The following CD302 variants were observed in gnomAD, a reference collection of about 807,000 sequenced individuals.
The protein encoded by CD302 is CD302 antigen.
CD302 carries 23 observed loss-of-function variants against 26.5 expected under a neutral mutation model. That is an observed-to-expected ratio of 0.87 (90% CI 0.62 to 1.23). The LOEUF (loss-of-function observed/expected upper bound fraction) is 1.23. Ranked by LOEUF, CD302 falls within the 50% of genes most tolerant of loss-of-function variation. The probability of loss-of-function intolerance (pLI) is 0.00; values close to 1 mark genes in which losing one functional copy is unlikely to be tolerated. For missense variants in CD302, 290 were observed against 275.5 expected, an observed-to-expected ratio of 1.05 and a Z score of -0.37; for synonymous variants, 90 against 99.4, an observed-to-expected ratio of 0.91 and a Z score of 0.56.
At chr2:159,778,229 C>G (rs937204189) in intron 4 of CD302, among the ~76,000 whole-genome samples, 1 of 151,866 alleles carries the variant, frequency 6.6e-6, no homozygotes, top group African/African-American at 2.4e-5. Flanking sequence ...GAGGAAAAGA[C>G]AATAATGAGG....
At chr2:159,795,431 C>T (rs1302733518) in intron 1 of CD302, among the ~76,000 whole-genome samples, 1 of 152,076 alleles carries the variant, frequency 6.6e-6, no homozygotes, top group African/African-American at 2.4e-5. Context: ...AGACACAAAT[C>T]AAAACAAAAC....
intron 1 of CD302, among the ~76,000 whole-genome samples, chr2:159,795,092 G>A (rs1341732845): frequency 1.3e-5 from 2 of 151,310 alleles, no homozygotes; most frequent in Admixed American, 6.6e-5. Flanking sequence ...GCATGGTGGC[G>A]CATGCCTGTA....
rs550493715 is a variant in CD302, at chr2:159,795,234, A to G, written c.67+2898T>C. Among the ~76,000 whole-genome samples, 17 of 152,192 alleles carry G rather than the reference A, an allele frequency of 1.1e-4. No individual in the cohort carries two copies. The South Asian group carries it at 2.7e-3, about 24-fold the overall frequency. Reference sequence around the variant, plus strand: ...TGAGACTCCATCTCGGAAAAAAAAAAAAAGAAAGAAAGAAAAGGTGGCAGC... The same window carrying G: ...TGAGACTCCATCTCGGAAAAAAAAAGAAAGAAAGAAAGAAAAGGTGGCAGC... On this transcript the variant is annotated intron_variant, in intron 1 of 5. Coordinates refer to ENST00000259053, the MANE Select transcript of CD302 (RefSeq NM_014880.5).
At chr2:159,772,324 C>T (rs994497790) in intron 5 of CD302, among the ~76,000 whole-genome samples, 1 of 152,190 alleles carries the variant, frequency 6.6e-6, no homozygotes, top group Non-Finnish European at 1.5e-5. Flanking sequence ...ATACCATGCT[C>T]CAGTTTGTCT....
intron 1 of CD302, 56 bp downstream of exon 1, chr2:159,798,076 G>A: frequency 1.4e-6 from 2 of 1,458,676 alleles, no homozygotes; most frequent in South Asian, 1.3e-5. Context: ...CGTGCGTTGG[G>A]AAGGGGGCGA....
At position 159,769,252 on chromosome 2, in the gene CD302, A is replaced by G. The variant is rs1483628271; in HGVS notation, c.*2599T>C. Reference sequence around the variant, plus strand: ...CAAGATGTTGAAGAAAGCAGTTTCTACATTCTGGATGTAGTAAACAAGCCT... The same window carrying G: ...CAAGATGTTGAAGAAAGCAGTTTCTGCATTCTGGATGTAGTAAACAAGCCT... On this transcript the variant is annotated 3_prime_UTR_variant, in exon 6 of 6. Coordinates refer to ENST00000259053, the MANE Select transcript of CD302 (RefSeq NM_014880.5). The G allele has an allele frequency of 6.6e-6, 1 of 152,248 alleles. No individual in the cohort carries two copies. The highest frequency in any genetic ancestry group is 2.4e-5 in the African/African-American group (1 of 41,460). 9.4% of individuals were successfully genotyped at this position (152,248 alleles called of 1,614,324 possible). A position where few individuals can be genotyped will look rare whatever the true frequency, so the allele number is the denominator to read the frequency against.
At chr2:159,797,084 T>C (rs926376944) in intron 1 of CD302, among the ~76,000 whole-genome samples, 3 of 152,080 alleles carry the variant, frequency 2.0e-5, no homozygotes, top group Non-Finnish European at 4.4e-5. Context: ...ACAGAAGTTT[T>C]CAAGAAAGGA....
chr2:159,780,830 A>T, intron 3 of CD302, 52 bp downstream of exon 3: 2 of 1,524,894 alleles, frequency 1.3e-6, no homozygotes, highest in South Asian at 2.3e-5. Context: ...CAGTTTTGCT[A>T]CATTAAAAAA....
chr2:159,786,942 T>G (rs1043385307), intron 1 of CD302, among the ~76,000 whole-genome samples: 1 of 152,234 alleles, frequency 6.6e-6, no homozygotes, highest in African/African-American at 2.4e-5. Flanking sequence ...GTTTTGCCTG[T>G]TTTTGAACTT....
Position 159,780,026 on chromosome 2 carries a change from C to T in CD302, c.448G>A (p.Gly150Arg), listed in dbSNP as rs916041766. The T allele has an allele frequency of 4.3e-6, 7 of 1,614,010 alleles. No individual in the cohort carries two copies. The highest frequency in any genetic ancestry group is 5.9e-6 in the Non-Finnish European group (7 of 1,179,944). Reference sequence around the variant, plus strand: ...TTACTAGCTGTTTTGCATAGTGTTCCTTCCACAGAAGAAACTTCACAATTT... The same window carrying T: ...TTACTAGCTGTTTTGCATAGTGTTCTTTCCACAGAAGAAACTTCACAATTT... ...KGNCEVSSVE[G>R]TLCKTAIPYK... Residue 150 changes from glycine (G) to arginine (R), a missense_variant, in exon 4 of 6, where the codon GGA becomes AGA. Gly to Arg is a moderately radical substitution (Grantham distance 125, BLOSUM62 -2). Transcript: ENST00000259053.
At position 159,793,057 on chromosome 2, in the gene CD302, T is replaced by C. The variant is rs529521758; in HGVS notation, c.67+5075A>G. Among the ~76,000 whole-genome samples the C allele has an allele frequency of 1.8e-3, 277 of 152,342 alleles. 2 individuals carry two copies. Among genetic ancestry groups the C allele is most frequent in the African/African-American group, 6.4e-3 (266 of 41,574 alleles). ...GAACAAAAGACTAAACTAAGTCGTC[T>C]TCAACGCTAAGTATCTTTGCCATAA... On this transcript the variant is annotated intron_variant, in intron 1 of 5. Coordinates refer to ENST00000259053, the MANE Select transcript of CD302 (RefSeq NM_014880.5).
intron 1 of CD302, among the ~76,000 whole-genome samples, chr2:159,794,473 C>T (rs1708895456): frequency 7.2e-6 from 1 of 138,554 alleles, no homozygotes; most frequent in African/African-American, 2.7e-5. Context: ...ATTGAAATTT[C>T]ACTTTTTCAT....
At chr2:159,796,292 A>C (rs906788502) in intron 1 of CD302, among the ~76,000 whole-genome samples, 1 of 152,216 alleles carries the variant, frequency 6.6e-6, no homozygotes, top group South Asian at 2.1e-4. Flanking sequence ...TATGAAAAAC[A>C]CACTTAGTTT....
At position 159,786,997 on chromosome 2, in the gene CD302, T is replaced by G. The variant is rs560000377; in HGVS notation, c.68-3528A>C. 2.0e-4 allele frequency among the ~76,000 whole-genome samples: 31 copies of G among 152,356 alleles called. No homozygotes were observed. The South Asian group carries it at 6.4e-3, about 32-fold the overall frequency. On this transcript the variant is annotated intron_variant, in intron 1 of 5. Transcript: ENST00000259053. Reference sequence around the variant, plus strand: ...ATTGTGTACTCTTTTGTGTCTGGCTTCTTTTGATAAATGTTACTTTAAAAA... The same window carrying G: ...ATTGTGTACTCTTTTGTGTCTGGCTGCTTTTGATAAATGTTACTTTAAAAA...
At chr2:159,773,493 T>C (rs1708217938) in intron 5 of CD302, among the ~76,000 whole-genome samples, 2 of 152,206 alleles carry the variant, frequency 1.3e-5, no homozygotes, top group Admixed American at 6.5e-5. Flanking sequence ...TGAAAGATCA[T>C]AGTAATTGAG....
intron 1 of CD302, among the ~76,000 whole-genome samples, chr2:159,796,368 A>G (rs1250370624): frequency 1.3e-5 from 2 of 152,222 alleles, no homozygotes; most frequent in Non-Finnish European, 2.9e-5. Context: ...AATATACATA[A>G]GGTGGTATTC....
chr2:159,792,422 C>CTGTGTGTGTGTGTGTGTGTG (rs3138650), intron 1 of CD302, among the ~76,000 whole-genome samples: 7 of 145,202 alleles, frequency 4.8e-5, no homozygotes, highest in Non-Finnish European at 7.5e-5. Flanking sequence ...AGAACCAACT[C>CTGTGTGTGTGTGTGTGTGTG]TGTGTGTGTG....
Position 159,771,869 on chromosome 2 carries a change from A to G in CD302, c.681T>C (p.Tyr227=). The change falls in exon 6 of 6, where the codon TAT becomes TAC. Residue 227 remains tyrosine, a synonymous_variant. Transcript: ENST00000259053. ...CVLVVGEENE[Y]PVQFD ...CAAAAACTTAGTCAAATTGAACAGGATATTCATTTTCTTCTCCAACTACCA... is the reference window on the plus strand; with the variant it reads ...CAAAAACTTAGTCAAATTGAACAGGGTATTCATTTTCTTCTCCAACTACCA... The G allele has an allele frequency of 6.2e-7, 1 of 1,613,906 alleles. No individual in the cohort carries two copies. The highest frequency in any genetic ancestry group is 8.5e-7 in the Non-Finnish European group (1 of 1,179,870).
intron 1 of CD302, among the ~76,000 whole-genome samples, chr2:159,789,289 A>G (rs913864282): frequency 2.0e-5 from 3 of 152,074 alleles, no homozygotes; most frequent in Non-Finnish European, 4.4e-5. Context: ...GGCGTGAGTC[A>G]CTGTGCCCAG....
Sources: allele counts gnomAD v4.1 joint callset (sites outside exome capture counted in the v4.1 genomes callset), GRCh38; gene constraint gnomAD v4.1.1; transcripts MANE v1.5; gene names NCBI Gene and HGNC (gene_info 2026-07-23, HGNC 2026-07-21).